Variants in TBXAS1 observed in about 807,000 individuals in gnomAD.
The protein encoded by TBXAS1 is thromboxane A synthase 1.
In TBXAS1, 48 loss-of-function variants were observed where a neutral mutation model predicts 60.7. The ratio of observed to expected loss-of-function variants is 0.79; its 90% CI spans 0.63 to 1.01. The LOEUF (loss-of-function observed/expected upper bound fraction) is 1.01, where lower values mean the gene tolerates loss of function less well. Among genes scored for constraint, TBXAS1 ranks in the 50% least tolerant of loss-of-function variants. The probability of loss-of-function intolerance (pLI) is 0.00; values close to 1 mark genes in which losing one functional copy is unlikely to be tolerated. For synonymous variants in TBXAS1, 287 were observed against 269.7 expected, an observed-to-expected ratio of 1.06 and a Z score of -0.63; for missense variants, 685 against 686.3, an observed-to-expected ratio of 1.00 and a Z score of 0.02.
At chr7:139,851,252 G>C (rs1800192690) in intron 1 of TBXAS1, among the ~76,000 whole-genome samples, 1 of 152,224 alleles carries the variant, frequency 6.6e-6, no homozygotes, top group South Asian at 2.1e-4. Flanking sequence ...CCTTCATTCA[G>C]ACAGCTCAGG....
chr7:139,938,664 A>G (rs983668322), intron 5 of TBXAS1, among the ~76,000 whole-genome samples: 12 of 152,096 alleles, frequency 7.9e-5, no homozygotes, highest in African/African-American at 2.9e-4. Context: ...AGACCGGGGG[A>G]AGAGAGGAGA....
chr7:139,878,436 C>G (rs1802431559), intron 3 of TBXAS1, among the ~76,000 whole-genome samples: 1 of 152,040 alleles, frequency 6.6e-6, no homozygotes, highest in Non-Finnish European at 1.5e-5. Flanking sequence ...TTCTTTGTTC[C>G]CACTTCTAGT....
At chr7:139,908,473 G>A (rs1242566739) in intron 3 of TBXAS1, among the ~76,000 whole-genome samples, 4 of 151,630 alleles carry the variant, frequency 2.6e-5, no homozygotes, top group Non-Finnish European at 5.9e-5. Flanking sequence ...TTCCATTTTG[G>A]CTTATCATAA....
At chr7:139,961,342 A>G (rs1320949153) in intron 8 of TBXAS1, among the ~76,000 whole-genome samples, 1 of 152,222 alleles carries the variant, frequency 6.6e-6, no homozygotes, top group Non-Finnish European at 1.5e-5. Context: ...AGTACAGCAC[A>G]TGCTTGGTTT....
intron 12 of TBXAS1, among the ~76,000 whole-genome samples, chr7:140,019,435 G>A (rs1432401985): frequency 2.0e-5 from 3 of 152,098 alleles, no homozygotes; most frequent in African/African-American, 7.2e-5. Flanking sequence ...GCACTCCCCG[G>A]CTTAAGAACC....
At chr7:139,793,113 A>G (rs1204497395) in intron 4 of TBXAS1, among the ~76,000 whole-genome samples, 1 of 152,230 alleles carries the variant, frequency 6.6e-6, no homozygotes, top group Non-Finnish European at 1.5e-5. Flanking sequence ...TCATTAATAC[A>G]ATTTAAAAAG....
In TBXAS1 at chr7:139,967,387, G is replaced by A. The variant is rs115443825; in HGVS notation, c.1134+5154G>A. ...GAAGACCCTCTTCCTTGGCTTGGGA[G>A]TAGGGAGGACCCTCTTCCCTAGGCC... On this transcript the variant is annotated intron_variant, in intron 9 of 12. Transcript: ENST00000448866. Among the ~76,000 whole-genome samples the A allele has an allele frequency of 4.0e-3, 602 of 152,374 alleles. 5 individuals are homozygous for A. The highest frequency in any genetic ancestry group is 0.014 in the African/African-American group (578 of 41,584).
chr7:139,797,097 C>T (rs755754739), intron 4 of TBXAS1: 1 of 152,176 alleles, frequency 6.6e-6, no homozygotes, highest in Non-Finnish European at 1.5e-5. Flanking sequence ...TGAAGAAAAT[C>T]CATTAAAATA....
intron 9 of TBXAS1, among the ~76,000 whole-genome samples, chr7:140,005,419 ACT>A (rs945520315): frequency 1.3e-5 from 2 of 151,226 alleles, no homozygotes; most frequent in Non-Finnish European, 2.9e-5. Context: ...ACAGAAAAAG[ACT>A]CTGTCTCAAA....
At chr7:139,946,127 G>T (rs1480580125) in intron 5 of TBXAS1, among the ~76,000 whole-genome samples, 2 of 152,156 alleles carry the variant, frequency 1.3e-5, no homozygotes, top group East Asian at 3.9e-4. Flanking sequence ...GAACCCAGGA[G>T]TTCAAGACCA....
chr7:139,925,334 C>T (rs1806799639), intron 4 of TBXAS1, among the ~76,000 whole-genome samples: 1 of 152,056 alleles, frequency 6.6e-6, no homozygotes, highest in African/African-American at 2.4e-5. Flanking sequence ...CAGTGTTTTA[C>T]AGTCTTCATT....
intron 9 of TBXAS1, among the ~76,000 whole-genome samples, chr7:139,974,446 G>A (rs548174684): frequency 7.2e-5 from 11 of 152,272 alleles, no homozygotes; most frequent in South Asian, 4.2e-4. Flanking sequence ...CCCACCAAGC[G>A]AGAAGGTGGA....
intron 4 of TBXAS1, among the ~76,000 whole-genome samples, chr7:139,810,312 A>G (rs1797994303): frequency 6.6e-6 from 1 of 152,050 alleles, no homozygotes; most frequent in Non-Finnish European, 1.5e-5. Context: ...GGGATTACAG[A>G]GGTGAGCCAC....
chr7:139,792,876 A>T (rs1243683888), intron 4 of TBXAS1, among the ~76,000 whole-genome samples: 1 of 152,216 alleles, frequency 6.6e-6, no homozygotes, highest in Non-Finnish European at 1.5e-5. Context: ...GTAAGAGAAC[A>T]TCAATAGGAA....
Position 139,896,171 on chromosome 7 carries a change from G to A in TBXAS1, c.237-15054G>A, listed in dbSNP as rs1804075918. ...TCAGGGATGCACGGACAGATAAGAT[G>A]GGCTTTGTCTTGAGAGAACTTGCAG... On this transcript the variant is annotated intron_variant, in intron 3 of 12. Coordinates refer to ENST00000448866, the MANE Select transcript of TBXAS1 (RefSeq NM_001061.7). This position sits in a 1 kb window ranked among gnomAD's most constrained non-coding sequence, Gnocchi z 4.0. Among the ~76,000 whole-genome samples the A allele has an allele frequency of 6.6e-6, 1 of 152,112 alleles. No homozygotes were observed. Among genetic ancestry groups the A allele is most frequent in the Non-Finnish European group, 1.5e-5 (1 of 68,020 alleles).
chr7:139,909,387 C>T (rs1398199799), intron 3 of TBXAS1, among the ~76,000 whole-genome samples: 1 of 152,194 alleles, frequency 6.6e-6, no homozygotes, highest in African/African-American at 2.4e-5. Context: ...TCTCAAAAGA[C>T]TCCATGACCC....
intron 4 of TBXAS1, among the ~76,000 whole-genome samples, chr7:139,803,563 G>C (rs927826368): frequency 6.6e-6 from 1 of 152,162 alleles, no homozygotes; most frequent in Non-Finnish European, 1.5e-5. Context: ...AGACAATGGG[G>C]AAAATGTCTC....
intron 4 of TBXAS1, among the ~76,000 whole-genome samples, chr7:139,932,084 G>GT (rs1807374262): frequency 1.3e-5 from 2 of 150,022 alleles, no homozygotes; most frequent in South Asian, 4.2e-4. Context: ...GGAGAATGGA[G>GT]TGAACCCAGG....
intron 3 of TBXAS1, chr7:139,906,070 CTT>C (rs35857550): frequency 0.011 from 3,723 of 352,668 alleles, no homozygotes; most frequent in South Asian, 0.025. Flanking sequence ...ACTCTAGCAT[CTT>C]TTTTTTTTTT....
Sources: allele counts gnomAD v4.1 joint callset (sites outside exome capture counted in the v4.1 genomes callset), GRCh38; gene constraint gnomAD v4.1.1; non-coding constraint Gnocchi (gnomAD v3.1); transcripts MANE v1.5; gene names NCBI Gene and HGNC (gene_info 2026-07-23, HGNC 2026-07-21).